Variants in PARD3 observed in about 807,000 individuals in gnomAD.
PARD3 encodes par-3 family cell polarity regulator.
Under a neutral mutation model 155.4 loss-of-function variants are expected in PARD3, and 75 were observed. The observed-to-expected ratio is 0.48, with a 90% CI of 0.40 to 0.58. PARD3 has a LOEUF of 0.58. Among genes scored for constraint, PARD3 ranks in the 20% least tolerant of loss-of-function variants. The pLI is 0.00. For missense variants in PARD3, 1,642 were observed against 1,721.7 expected (o/e 0.95, Z 0.82); for synonymous variants, 576 against 610.5 (o/e 0.94, Z 0.83).
chr10:34,810,750 C>T (rs1405303203), intron 1 of PARD3, among the ~76,000 whole-genome samples: 1 of 152,206 alleles, frequency 6.6e-6, no homozygotes, highest in Non-Finnish European at 1.5e-5. Flanking sequence ...TGATTCCATT[C>T]ATCTTTACGG....
At chr10:34,273,408 T>C (rs1955725141) in intron 21 of PARD3, among the ~76,000 whole-genome samples, 1 of 152,204 alleles carries the variant, frequency 6.6e-6, no homozygotes, top group Admixed American at 6.5e-5. Context: ...AGGTCATATA[T>C]GATTTCACTT....
intron 22 of PARD3, among the ~76,000 whole-genome samples, chr10:34,187,946 T>C (rs1227669965): frequency 6.6e-6 from 1 of 152,204 alleles, no homozygotes; most frequent in Non-Finnish European, 1.5e-5. Context: ...GACAACTAGC[T>C]GTCTGGGTAA....
chr10:34,456,771 A>G (rs2077363182), intron 4 of PARD3, among the ~76,000 whole-genome samples: 1 of 152,238 alleles, frequency 6.6e-6, no homozygotes, highest in African/African-American at 2.4e-5. Flanking sequence ...TAAAGGTATT[A>G]TCCATAGTTC....
At chr10:34,713,870 T>C (rs2094481071) in intron 1 of PARD3, among the ~76,000 whole-genome samples, 1 of 152,100 alleles carries the variant, frequency 6.6e-6, no homozygotes, top group South Asian at 2.1e-4. Context: ...AGAGGTTACC[T>C]CCTCTGAGGC....
chr10:34,673,882 G>A (rs1288257098), intron 2 of PARD3, among the ~76,000 whole-genome samples: 1 of 151,866 alleles, frequency 6.6e-6, no homozygotes, highest in Non-Finnish European at 1.5e-5. Flanking sequence ...TCCCAGCTAT[G>A]TGGGAGGCTG....
chr10:34,711,634 G>C (rs548009118), intron 1 of PARD3, among the ~76,000 whole-genome samples: 1 of 152,158 alleles, frequency 6.6e-6, no homozygotes, highest in Admixed American at 6.5e-5. Flanking sequence ...GCCATCTTCA[G>C]CTTTTTTTAG....
At chr10:34,741,593 T>C (rs2095019322) in intron 1 of PARD3, among the ~76,000 whole-genome samples, 1 of 152,212 alleles carries the variant, frequency 6.6e-6, no homozygotes, top group African/African-American at 2.4e-5. Flanking sequence ...ACAGCCCCTG[T>C]GCAGAGGAGC....
intron 12 of PARD3, among the ~76,000 whole-genome samples, chr10:34,369,170 T>C (rs1321336146): frequency 6.6e-6 from 1 of 152,126 alleles, no homozygotes; most frequent in African/African-American, 2.4e-5. Flanking sequence ...TTCAATAGGA[T>C]AATATCACCA....
Position 34,202,571 on chromosome 10 carries a change from C to T in PARD3, c.3419+67086G>A, listed in dbSNP as rs187479543. On this transcript the variant is annotated intron_variant, in intron 22 of 24. Coordinates refer to ENST00000374788, the MANE Select transcript of PARD3 (RefSeq NM_001184785.2). ...AGAAAGCTAAGTGACTTCACCACAT[C>T]ACACAGATGATCAAGAACCAGGCAA... is the stretch of plus-strand genomic sequence containing the variant. Among the ~76,000 whole-genome samples, 312 of 152,304 alleles carry T rather than the reference C, an allele frequency of 2.0e-3. 1 individual carries two copies. The highest frequency in any genetic ancestry group is 7.0e-3 in the African/African-American group (293 of 41,564).
At chr10:34,623,133 A>G (rs1366821738) in intron 2 of PARD3, among the ~76,000 whole-genome samples, 1 of 152,196 alleles carries the variant, frequency 6.6e-6, no homozygotes, top group African/African-American at 2.4e-5. Context: ...ACAAAGACAC[A>G]CAAAAGCATA....
At chr10:34,212,039 G>C (rs1384328501) in intron 22 of PARD3, among the ~76,000 whole-genome samples, 6 of 96,742 alleles carry the variant, frequency 6.2e-5, no homozygotes, top group Non-Finnish European at 1.3e-4. Flanking sequence ...TTTTTTTTTT[G>C]CTCCCATATA....
At chr10:34,504,834 C>T (rs1281031477) in intron 3 of PARD3, among the ~76,000 whole-genome samples, 1 of 152,134 alleles carries the variant, frequency 6.6e-6, no homozygotes, top group African/African-American at 2.4e-5. Flanking sequence ...ACTGCTGACA[C>T]TAAAAGCAAC....
chr10:34,668,582 T>C (rs2093546953), intron 2 of PARD3, among the ~76,000 whole-genome samples: 1 of 152,198 alleles, frequency 6.6e-6, no homozygotes, highest in African/African-American at 2.4e-5. Flanking sequence ...TCCCACAATA[T>C]ATATATTCAA....
chr10:34,408,117 A>G (rs1236182314), intron 5 of PARD3, among the ~76,000 whole-genome samples: 2 of 152,110 alleles, frequency 1.3e-5, no homozygotes, highest in Non-Finnish European at 2.9e-5. Flanking sequence ...AGAAAAGCCT[A>G]TATTTATAAT....
intron 23 of PARD3, among the ~76,000 whole-genome samples, chr10:34,125,071 C>CTTTTTTTTTTTTTTTTTTTTTT (rs71523316): frequency 2.1e-5 from 3 of 140,632 alleles, no homozygotes; most frequent in South Asian, 2.2e-4. Flanking sequence ...CTATTTCTTT[C>CTTTTTTTTTTTTTTTTTTTTTT]TTTTTTTTTT....
intron 2 of PARD3, among the ~76,000 whole-genome samples, chr10:34,643,726 G>T (rs1336421827): frequency 6.6e-6 from 1 of 152,086 alleles, no homozygotes; most frequent in African/African-American, 2.4e-5. Flanking sequence ...GGTTGGCCTG[G>T]GCAACATAGT....
intron 4 of PARD3, among the ~76,000 whole-genome samples, chr10:34,468,764 T>G (rs2078165213): frequency 6.6e-6 from 1 of 152,214 alleles, no homozygotes; most frequent in Admixed American, 6.5e-5. Flanking sequence ...TCCATGTACT[T>G]TTTTTGTCAC....
intron 3 of PARD3, among the ~76,000 whole-genome samples, chr10:34,514,298 GCTT>G (rs1160772451): frequency 6.6e-6 from 1 of 152,006 alleles, no homozygotes; most frequent in Non-Finnish European, 1.5e-5. Flanking sequence ...CATATTGTTG[GCTT>G]CTTTCTTTTC....
rs113087866 is a variant in PARD3 at position 34,543,395 on chromosome 10, A to G, written c.223-26236T>C. Among the ~76,000 whole-genome samples, 384 of 152,332 alleles carry G rather than the reference A, an allele frequency of 2.5e-3. 3 individuals are homozygous for G. Among genetic ancestry groups the G allele is most frequent in the African/African-American group, 8.5e-3 (355 of 41,584 alleles). ...ATGAGAAGAGGACTGAAAACTGAAA[A>G]GAAGAAGAAAAAAAGACCAAACCAT... On this transcript the variant is annotated intron_variant, in intron 2 of 24. Coordinates refer to ENST00000374788, the MANE Select transcript of PARD3 (RefSeq NM_001184785.2).
Sources: gnomAD v4.1 joint callset for allele counts (sites outside exome capture counted in the v4.1 genomes callset) on GRCh38, gnomAD v4.1.1 for gene constraint, MANE v1.5 for transcripts, NCBI Gene and HGNC (gene_info 2026-07-23, HGNC 2026-07-21) for gene names.